Variants in KRTCAP3 observed in about 807,000 individuals in gnomAD.
KRTCAP3 encodes keratinocyte associated protein 3.
KRTCAP3 carries 18 observed loss-of-function variants against 20.5 expected under a neutral mutation model. The observed-to-expected ratio is 0.88, with a 90% CI of 0.61 to 1.31. The LOEUF is 1.31. Ranked by LOEUF, KRTCAP3 falls within the 50% of genes most tolerant of loss-of-function variation. The pLI, the probability that KRTCAP3 is intolerant of heterozygous loss-of-function variation, is 0.00. For missense variants in KRTCAP3, 347 were observed against 310.4 expected (o/e 1.12, Z -0.89); for synonymous variants, 167 against 133.7 (o/e 1.25, Z -1.72).
rs1664704608 is a variant in KRTCAP3 at position 27,442,905 on chromosome 2, A to T, written c.273+4A>T. ...GAACCTTCTTCGCCCTCCACTGGTG[A>T]GAGGGACTTCCCTGGAGCTTTTAAC... On this transcript the variant is annotated splice_donor_region_variant and intron_variant, in intron 3 of 6. Coordinates refer to ENST00000288873, the MANE Select transcript of KRTCAP3 (RefSeq NM_173853.4). The T allele has an allele frequency of 5.6e-6, 9 of 1,612,974 alleles. No homozygotes were observed. The highest frequency in any genetic ancestry group is 1.3e-5 in the African/African-American group (1 of 74,924).
downstream of KRTCAP3, chr2:27,446,457 T>C: frequency 1.0e-6 from 1 of 968,332 alleles, no homozygotes; most frequent in Non-Finnish European, 1.6e-6. Flanking sequence ...ACAACAATTA[T>C]TATTAAACTG....
At chr2:27,444,429 C>T (rs1335137433), downstream of KRTCAP3, 11 of 1,601,806 alleles carry the variant, frequency 6.9e-6, no homozygotes, top group South Asian at 1.1e-5. Flanking sequence ...TCAGCTCTAC[C>T]AACTACTGAA....
Position 27,443,215 on chromosome 2 carries a change from C to T in KRTCAP3, c.415C>T (p.Pro139Ser). ...TGACTGCCACCCAGGACTGCTGGAT[C>T]CTCTGGTACCACTGGATGAGGGGCC... ...IADCHPGLLD[P>S]LVPLDEGPGH... is the part of the protein sequence containing the mutation. The change falls in exon 4 of 7, where the codon CCT becomes TCT. Residue 139 changes from proline to serine, a missense_variant. Pro to Ser is a moderately conservative substitution (Grantham distance 74). Coordinates refer to ENST00000288873, the MANE Select transcript of KRTCAP3 (RefSeq NM_173853.4). 1 of 1,614,188 alleles carries T rather than the reference C, an allele frequency of 6.2e-7. No individual in the cohort carries two copies. Among genetic ancestry groups the T allele is most frequent in the Non-Finnish European group, 8.5e-7 (1 of 1,180,038 alleles).
chr2:27,443,907 A>G (rs1664780842), intron 5 of KRTCAP3, 42 bp from the exon 6 acceptor site: 5 of 1,100,444 alleles, frequency 4.5e-6, no homozygotes, highest in Non-Finnish European at 7.0e-6. Context: ...ATGCTGACCT[A>G]TCATTCAGGG....
chr2:27,445,517 TGAG>T, downstream of KRTCAP3: 1 of 1,527,506 alleles, frequency 6.5e-7, no homozygotes, highest in African/African-American at 1.4e-5. This position sits in a 1 kb window ranked among gnomAD's most constrained non-coding sequence, Gnocchi z 4.4. Context: ...GGTGGATGGG[TGAG>T]GAGGGGGTTT....
At chr2:27,445,567 GA>G (rs773001369), downstream of KRTCAP3, 10 of 1,332,778 alleles carry the variant, frequency 7.5e-6, no homozygotes, top group Non-Finnish European at 7.2e-6. This position sits in a 1 kb window ranked among gnomAD's most constrained non-coding sequence, Gnocchi z 4.4. Context: ...TTTTAGCCAC[GA>G]ATCCTCCTTG....
At position 27,444,180 on chromosome 2, in the gene KRTCAP3, G is replaced by A; in HGVS notation, c.*6-6G>A. ...CTGACCTGGGTTGGTTCTCCCCTCTGTCCAGCAGGTGCTGTTCCGAGACTC... is the reference window on the plus strand; with the variant it reads ...CTGACCTGGGTTGGTTCTCCCCTCTATCCAGCAGGTGCTGTTCCGAGACTC... On this transcript the variant is annotated splice_region_variant and splice_polypyrimidine_tract_variant and intron_variant, in intron 6 of 6. Transcript: ENST00000288873. 2 of 711,708 alleles carry A rather than the reference G, an allele frequency of 2.8e-6. No individual in the cohort carries two copies. Among genetic ancestry groups the A allele is most frequent in the Non-Finnish European group, 5.0e-6 (2 of 403,190 alleles). 44.1% of individuals were successfully genotyped at this position (711,708 alleles called of 1,614,324 possible). A position where few individuals can be genotyped will look rare whatever the true frequency, so the allele number is the denominator to read the frequency against.
downstream of KRTCAP3, chr2:27,446,074 G>A (rs1665065267): frequency 6.6e-7 from 1 of 1,521,724 alleles, no homozygotes; most frequent in Non-Finnish European, 9.1e-7. Context: ...ATGGGAGTGA[G>A]CAAGCTGGGC....
chr2:27,444,961 C>CT (rs1558347706), downstream of KRTCAP3: 6 of 1,531,906 alleles, frequency 3.9e-6, no homozygotes, highest in East Asian at 1.2e-4. Flanking sequence ...GTTTTTTTTT[C>CT]TTTTTTTAGT....
At chr2:27,444,850 T>C (rs1382892377), downstream of KRTCAP3, among the ~76,000 whole-genome samples, 2 of 152,200 alleles carry the variant, frequency 1.3e-5, no homozygotes, top group African/African-American at 2.4e-5. Context: ...GTTTTAACCA[T>C]GTTGGCCAGG....
rs1428904346 is a variant in KRTCAP3 at position 27,444,022 on chromosome 2, A to C, written c.689A>C (p.Gln230Pro). The C allele has an allele frequency of 6.2e-7, 1 of 1,613,884 alleles. No homozygotes were observed. Among genetic ancestry groups the C allele is most frequent in the Admixed American group, 1.7e-5 (1 of 60,028 alleles). ...QENEQLLDQN[Q>P]EIRASQRSWV ...AATGAGCAGCTACTGGATCAAAATCAAGAAATCCGGGCATCACAGAGAAGT... is the reference window on the plus strand; with the variant it reads ...AATGAGCAGCTACTGGATCAAAATCCAGAAATCCGGGCATCACAGAGAAGT... The change falls in exon 6 of 7, where the codon CAA becomes CCA. Residue 230 changes from glutamine to proline, a missense_variant. By Grantham distance (76) the Gln-to-Pro change is moderately conservative. Transcript: ENST00000288873.
downstream of KRTCAP3, chr2:27,444,576 T>G: frequency 7.2e-7 from 1 of 1,390,514 alleles, no homozygotes; most frequent in Non-Finnish European, 1.0e-6. Context: ...AAATACAAAA[T>G]CAGCTCCATC....
At chr2:27,445,518 G>A (rs1000610224), downstream of KRTCAP3, 3 of 1,522,610 alleles carry the variant, frequency 2.0e-6, no homozygotes, top group Non-Finnish European at 2.7e-6. This position sits in a 1 kb window ranked among gnomAD's most constrained non-coding sequence, Gnocchi z 4.4. Flanking sequence ...GTGGATGGGT[G>A]AGGAGGGGGT....
downstream of KRTCAP3, chr2:27,444,642 GTA>G (rs1328177718): frequency 1.4e-6 from 1 of 714,116 alleles, no homozygotes; most frequent in African/African-American, 3.3e-5. Flanking sequence ...TTTCTAGTGT[GTA>G]TGTGGGTTTT....
In KRTCAP3 at chr2:27,443,195, G is replaced by C. The variant is rs760010032; in HGVS notation, c.395G>C (p.Cys132Ser). ...ANGGRRLIAD[C>S]HPGLLDPLVP... ...GGTGGCCGCCGCCTTATTGCTGACT[G>C]CCACCCAGGACTGCTGGATCCTCTG... The change falls in exon 4 of 7, where the codon TGC (cysteine) becomes TCC (serine). Residue 132 changes from cysteine to serine, a missense_variant. Physicochemically the swap from Cys to Ser is moderately radical, Grantham distance 112 (BLOSUM62 -1). Coordinates refer to ENST00000288873, the MANE Select transcript of KRTCAP3 (RefSeq NM_173853.4). 1 of 1,614,126 alleles carries C rather than the reference G, an allele frequency of 6.2e-7. No homozygotes were observed. Among genetic ancestry groups the C allele is most frequent in the South Asian group, 1.1e-5 (1 of 91,070 alleles).
At chr2:27,444,664 T>C (rs1664870819), downstream of KRTCAP3, 2 of 704,124 alleles carry the variant, frequency 2.8e-6, no homozygotes, top group Non-Finnish European at 4.8e-6. Flanking sequence ...TTTGTTTGTT[T>C]TGAGACAAAG....
At chr2:27,445,068 C>T (rs2148464737), downstream of KRTCAP3, 2 of 1,614,016 alleles carry the variant, frequency 1.2e-6, no homozygotes, top group Non-Finnish European at 1.7e-6. This position sits in a 1 kb window ranked among gnomAD's most constrained non-coding sequence, Gnocchi z 4.4. Flanking sequence ...CCTTCCCTGG[C>T]CGCTTAAATT....
Position 27,442,405 on chromosome 2 carries a change from CGGACGGGAT to C in KRTCAP3, c.-6_3del, listed in dbSNP as rs1558342914. 1 of 1,553,022 alleles carries C rather than the reference CGGACGGGAT, an allele frequency of 6.4e-7. No homozygotes were observed. Among genetic ancestry groups the C allele is most frequent in the Admixed American group, 1.9e-5 (1 of 51,602 alleles). On this transcript the variant is annotated start_lost and 5_prime_UTR_variant, in exon 1 of 7. Coordinates refer to ENST00000288873, the MANE Select transcript of KRTCAP3 (RefSeq NM_173853.4). ...TACAGCGGCCCTGCGGCTGGCGCGG[CGGACGGGAT>C]GAGGCGCTGCAGTCTCTGCGCTTTC...
rs1375240353 is a variant in KRTCAP3, at chr2:27,442,623, C to A, written c.73C>A (p.Leu25Met). 3 of 1,570,662 alleles carry A rather than the reference C, an allele frequency of 1.9e-6. No homozygotes were observed. In the East Asian group the frequency reaches 6.8e-5, roughly 35 times the overall value. ...GCGGCTGATGCGTGTGGGCCTCGCGCTGATCTTGGTGGGCCACGTGAACCT... is the reference window on the plus strand; with the variant it reads ...GCGGCTGATGCGTGTGGGCCTCGCGATGATCTTGGTGGGCCACGTGAACCT... ...PRRLMRVGLA[L>M]ILVGHVNLLL... Residue 25 changes from leucine (L) to methionine (M), a missense_variant, in exon 2 of 7, where the codon CTG becomes ATG. By Grantham distance (15) the Leu-to-Met change is conservative. Transcript: ENST00000288873.
Sources: allele counts gnomAD v4.1 joint callset (sites outside exome capture counted in the v4.1 genomes callset), GRCh38; gene constraint gnomAD v4.1.1; non-coding constraint Gnocchi (gnomAD v3.1); transcripts MANE v1.5; gene names NCBI Gene and HGNC (gene_info 2026-07-23, HGNC 2026-07-21).